The following CNBD1 variants were observed in gnomAD, a reference collection of about 807,000 sequenced individuals.
CNBD1 encodes cyclic nucleotide binding domain containing 1, also known as cyclic nucleotide-binding domain-containing protein 1.
A neutral mutation model predicts 54.4 loss-of-function variants in CNBD1; 71 were observed. That is an observed-to-expected ratio of 1.30 (90% confidence interval 1.08 to 1.59). CNBD1 has a LOEUF of 1.59. Among genes scored for constraint, CNBD1 ranks in the 40% most tolerant of loss-of-function variants. The probability of loss-of-function intolerance (pLI) is 0.00; values close to 1 mark genes in which losing one functional copy is unlikely to be tolerated. For synonymous variants in CNBD1, 182 were observed against 170.7 expected (o/e 1.07, Z -0.51); for missense variants, 659 against 518.0 (o/e 1.27, Z -2.64).
At chr8:87,016,996 G>A (rs1809370163) in intron 4 of CNBD1, among the ~76,000 whole-genome samples, 1 of 152,086 alleles carries the variant, frequency 6.6e-6, no homozygotes, top group Non-Finnish European at 1.5e-5. Flanking sequence ...GGTTAAAGGG[G>A]CCCCTTTTAC....
At chr8:87,252,468 AT>A (rs1807933613) in intron 6 of CNBD1, among the ~76,000 whole-genome samples, 1 of 152,152 alleles carries the variant, frequency 6.6e-6, no homozygotes, top group South Asian at 2.1e-4. Context: ...GCAATTAGTT[AT>A]TTTACTTAGA....
intron 10 of CNBD1, among the ~76,000 whole-genome samples, chr8:87,375,016 G>A (rs1212867760): frequency 3.3e-5 from 5 of 151,780 alleles, no homozygotes; most frequent in Admixed American, 6.6e-5. Flanking sequence ...AAATAAATAT[G>A]CTTTTTGTGA....
chr8:87,286,903 C>G (rs1194508534), intron 8 of CNBD1, among the ~76,000 whole-genome samples: 2 of 152,120 alleles, frequency 1.3e-5, no homozygotes, highest in Non-Finnish European at 2.9e-5. Flanking sequence ...TAACATCTCT[C>G]TCTACTCCCT....
At chr8:87,032,885 C>T (rs1201440314) in intron 4 of CNBD1, among the ~76,000 whole-genome samples, 1 of 152,140 alleles carries the variant, frequency 6.6e-6, no homozygotes, top group Non-Finnish European at 1.5e-5. Context: ...AAGCACTTAT[C>T]CTCCCATCTT....
chr8:87,127,784 C>T (rs775814507), intron 4 of CNBD1, among the ~76,000 whole-genome samples: 4 of 152,022 alleles, frequency 2.6e-5, no homozygotes, highest in Non-Finnish European at 5.9e-5. Flanking sequence ...GTAGGTGATA[C>T]GGACAGGAGG....
intron 6 of CNBD1, among the ~76,000 whole-genome samples, chr8:87,278,025 T>G (rs1450513755): frequency 6.6e-6 from 1 of 151,504 alleles, no homozygotes; most frequent in Non-Finnish European, 1.5e-5. Flanking sequence ...CTTCATAACT[T>G]AAAAATGTAA....
chr8:87,357,943 G>C (rs561867403), intron 10 of CNBD1, among the ~76,000 whole-genome samples: 1 of 152,134 alleles, frequency 6.6e-6, no homozygotes, highest in South Asian at 2.1e-4. Flanking sequence ...TGAGTGAGTT[G>C]TTTCTCTGTG....
chr8:87,392,567 T>C (rs1158555443), intron 2 of CNBD1, among the ~76,000 whole-genome samples: 1 of 152,010 alleles, frequency 6.6e-6, no homozygotes, highest in Non-Finnish European at 1.5e-5. Context: ...AAATTACATA[T>C]TGTATGATTT....
chr8:87,360,961 C>A (rs1810513602), intron 10 of CNBD1, among the ~76,000 whole-genome samples: 1 of 151,992 alleles, frequency 6.6e-6, no homozygotes, highest in Admixed American at 6.6e-5. Flanking sequence ...TATTCAAAAA[C>A]TTCTTCCCAA....
intron 2 of CNBD1, among the ~76,000 whole-genome samples, chr8:87,422,454 G>C (rs948316611): frequency 6.6e-6 from 1 of 150,866 alleles, no homozygotes. Context: ...TTTTGTATAA[G>C]GTGTAAGGAA....
At chr8:87,260,755 TG>T (rs1349979526) in intron 6 of CNBD1, among the ~76,000 whole-genome samples, 1 of 151,924 alleles carries the variant, frequency 6.6e-6, no homozygotes, top group Non-Finnish European at 1.5e-5. Context: ...TTTTTCACTG[TG>T]TTGTTGTTCA....
intron 8 of CNBD1, among the ~76,000 whole-genome samples, chr8:87,345,367 G>A (rs890169201): frequency 6.6e-6 from 1 of 152,068 alleles, no homozygotes; most frequent in Non-Finnish European, 1.5e-5. Flanking sequence ...TACTTGCTTA[G>A]CATCTAATCA....
intron 4 of CNBD1, among the ~76,000 whole-genome samples, chr8:87,061,642 A>G (rs779035510): frequency 1.1e-4 from 16 of 152,214 alleles, no homozygotes; most frequent in Non-Finnish European, 1.8e-4. Flanking sequence ...TTAAGAGTGT[A>G]GGGTAAGCTG....
At chr8:86,941,956 TTC>T (rs1458722907) in intron 4 of CNBD1, among the ~76,000 whole-genome samples, 3 of 152,134 alleles carry the variant, frequency 2.0e-5, no homozygotes, top group Non-Finnish European at 4.4e-5. Context: ...CGTCCCCCCT[TTC>T]AGTGGCTCAG....
intron 4 of CNBD1, among the ~76,000 whole-genome samples, chr8:87,119,876 ATATT>A (rs1811855514): frequency 6.6e-6 from 1 of 152,000 alleles, no homozygotes; most frequent in African/African-American, 2.4e-5. Context: ...GTGATATATC[ATATT>A]TATTTATTTG....
At chr8:87,107,073 C>T (rs1811554600) in intron 4 of CNBD1, among the ~76,000 whole-genome samples, 1 of 152,156 alleles carries the variant, frequency 6.6e-6, no homozygotes, top group African/African-American at 2.4e-5. Flanking sequence ...TGTGATCCAC[C>T]TGCCTCGGCC....
At chr8:87,318,157 C>T (rs1052573467) in intron 8 of CNBD1, among the ~76,000 whole-genome samples, 1 of 150,380 alleles carries the variant, frequency 6.6e-6, no homozygotes, top group Non-Finnish European at 1.5e-5. Context: ...TAATTGTCTT[C>T]TGATTCTAAT....
chr8:87,372,086 A>G, intron 10 of CNBD1, among the ~76,000 whole-genome samples: 1 of 151,924 alleles, frequency 6.6e-6, no homozygotes, highest in East Asian at 1.9e-4. Context: ...TATCCAGAAA[A>G]CCCCACTGTC....
At position 87,100,474 on chromosome 8, in the gene CNBD1, TTTTG is replaced by T. The variant is rs138217426; in HGVS notation, c.432-105503_432-105500del. On this transcript the variant is annotated intron_variant, in intron 4 of 10. Coordinates refer to ENST00000518476, the MANE Select transcript of CNBD1 (RefSeq NM_173538.3). Reference sequence around the variant, plus strand: ...GAATGGGGATAACAGAAAGCCAAGGTTTTGTTTGTTTGTTTGTTTTTGGAGACAG... The same window carrying T: ...GAATGGGGATAACAGAAAGCCAAGGTTTTGTTTGTTTGTTTTTGGAGACAG... Among the ~76,000 whole-genome samples the T allele has an allele frequency of 7.9e-5, 12 of 151,928 alleles. No homozygotes were observed. The East Asian group carries it at 1.2e-3, about 15-fold the overall frequency.
Sources: gnomAD v4.1 joint callset for allele counts (sites outside exome capture counted in the v4.1 genomes callset) on GRCh38, gnomAD v4.1.1 for gene constraint, MANE v1.5 for transcripts, NCBI Gene and HGNC (gene_info 2026-07-23, HGNC 2026-07-21) for gene names.